Variants in GUCY1A1 observed in about 807,000 individuals in gnomAD.
GUCY1A1 encodes the protein guanylate cyclase 1 soluble subunit alpha 1.
Under a neutral mutation model 64.5 loss-of-function variants are expected in GUCY1A1, and 48 were observed. That is an observed-to-expected ratio of 0.74 (90% CI 0.59 to 0.95). The LOEUF (loss-of-function observed/expected upper bound fraction) is 0.95. Among genes scored for constraint, GUCY1A1 ranks in the 40% least tolerant of loss-of-function variants. The pLI is 0.00. For synonymous variants in GUCY1A1, 308 were observed against 303.4 expected (o/e 1.02, Z -0.16); for missense variants, 804 against 825.3 (o/e 0.97, Z 0.32).
At chr4:155,680,460 A>ATG (rs59517530) in intron 2 of GUCY1A1, among the ~76,000 whole-genome samples, 49,424 of 149,476 alleles carry the variant, frequency 0.33, 8,525 homozygotes, top group East Asian at 0.63. Flanking sequence ...TTTTAAGTAT[A>ATG]TGTGTGTGTG....
At chr4:155,684,424 A>G (rs1022969217) in intron 2 of GUCY1A1, among the ~76,000 whole-genome samples, 12 of 152,222 alleles carry the variant, frequency 7.9e-5, no homozygotes, top group African/African-American at 2.9e-4. Flanking sequence ...CAGCATAAGC[A>G]TCAAGGATCT....
intron 4 of GUCY1A1, among the ~76,000 whole-genome samples, chr4:155,705,583 C>G (rs1029142188): frequency 1.3e-5 from 2 of 151,646 alleles, no homozygotes; most frequent in Middle Eastern, 3.2e-3. Context: ...TTTTTGATTC[C>G]CTGAAATTTC....
intron 5 of GUCY1A1, among the ~76,000 whole-genome samples, chr4:155,710,294 T>A (rs1732386250): frequency 6.6e-6 from 1 of 152,218 alleles, no homozygotes; most frequent in Non-Finnish European, 1.5e-5. Flanking sequence ...TAAAAAGTTG[T>A]GTATTATACT....
chr4:155,676,339 A>G (rs1216661036), intron 2 of GUCY1A1, among the ~76,000 whole-genome samples: 4 of 138,334 alleles, frequency 2.9e-5, no homozygotes, highest in Non-Finnish European at 4.6e-5. Context: ...GTTGCCTATT[A>G]GTTTTCTTCA....
At chr4:155,716,598 G>C (rs1399600895) in intron 7 of GUCY1A1, among the ~76,000 whole-genome samples, 1 of 152,010 alleles carries the variant, frequency 6.6e-6, no homozygotes, top group Non-Finnish European at 1.5e-5. Context: ...ATTGTGATTA[G>C]TATCCATTAG....
intron 2 of GUCY1A1, among the ~76,000 whole-genome samples, chr4:155,684,105 G>T (rs1340995019): frequency 6.6e-6 from 1 of 152,064 alleles, no homozygotes; most frequent in East Asian, 1.9e-4. Flanking sequence ...TCTTTATATT[G>T]ACTTTTATGT....
chr4:155,672,552 T>A (rs1235154061), intron 2 of GUCY1A1, among the ~76,000 whole-genome samples: 1 of 152,216 alleles, frequency 6.6e-6, no homozygotes, highest in Non-Finnish European at 1.5e-5. Context: ...AGATGTCAAG[T>A]AACTGCTATT....
At chr4:155,716,807 C>A (rs529725079) in intron 7 of GUCY1A1, among the ~76,000 whole-genome samples, 2 of 151,854 alleles carry the variant, frequency 1.3e-5, no homozygotes, top group African/African-American at 4.8e-5. Flanking sequence ...CATCTTTAAA[C>A]AATTTATTAT....
rs765914878 is a variant in GUCY1A1, at chr4:155,710,739, T to C, written c.574T>C (p.Cys192Arg). ...CAGGCTTGAGGACGCCTCCATTCTA[T>C]GCCTGGATAAGGAGGATGATTTTCT... ...RGRLEDASIL[C>R]LDKEDDFLHV... Residue 192 changes from cysteine to arginine, a missense_variant, in exon 6 of 10, where the codon TGC becomes CGC. Transcript: ENST00000506455. 9.6e-5 allele frequency: 155 copies of C among 1,613,992 alleles called. No homozygotes were observed. The highest frequency in any genetic ancestry group is 1.3e-4 in the Non-Finnish European group (148 of 1,179,986).
Position 155,713,085 on chromosome 4 carries a change from C to T in GUCY1A1, c.1087-13C>T, listed in dbSNP as rs1392759176. Reference sequence around the variant, plus strand: ...CTTGAATAAACCACAATTGGTTATCCTTTCCTTCATAGGTTATGGACCTCA... The same window carrying T: ...CTTGAATAAACCACAATTGGTTATCTTTTCCTTCATAGGTTATGGACCTCA... On this transcript the variant is annotated splice_polypyrimidine_tract_variant and intron_variant, in intron 6 of 9. Transcript: ENST00000506455. 6.3e-7 allele frequency: 1 copy of T among 1,587,290 alleles called. No homozygotes were observed. The highest frequency in any genetic ancestry group is 8.6e-7 in the Non-Finnish European group (1 of 1,165,994).
Position 155,730,334 on chromosome 4 carries a change from T to G in GUCY1A1, c.*103T>G. 3.1e-6 allele frequency: 2 copies of G among 652,800 alleles called. No individual in the cohort carries two copies. The highest frequency in any genetic ancestry group is 5.3e-6 in the Non-Finnish European group (2 of 378,958). The allele number at this position is 652,800 out of a possible 1,614,324, so 40.4% of individuals were successfully genotyped here. On this transcript the variant is annotated 3_prime_UTR_variant, in exon 10 of 10. Transcript: ENST00000506455. ...ATTGTAGATGGCTAACAAGCAGTAT[T>G]AAAATTTCAGGAGCCAAGTCACAAT...
In GUCY1A1 at chr4:155,713,685, T is replaced by C. The variant is rs1340423781; in HGVS notation, c.1572+102T>C. 3 of 1,267,054 alleles carry C rather than the reference T, an allele frequency of 2.4e-6. No individual in the cohort carries two copies. In the African/African-American group the frequency reaches 4.4e-5, roughly 19 times the overall value. 78.5% of individuals were successfully genotyped at this position (1,267,054 alleles called of 1,614,324 possible). On this transcript the variant is annotated intron_variant, in intron 7 of 9. Transcript: ENST00000506455. ...TATAATGCAACTGAAAGGCCACCTC[T>C]GTAGGGTCTTGCAAGCCCAGTCCTG...
rs139449524 is a variant in GUCY1A1, at chr4:155,713,270, G to A, written c.1259G>A (p.Arg420Gln). The A allele has an allele frequency of 1.6e-5, 26 of 1,614,032 alleles. No individual in the cohort carries two copies. Among genetic ancestry groups the A allele is most frequent in the East Asian group, 1.1e-4 (5 of 44,854 alleles). ...GTGGTCTTAATAGGGGAACAAGCCC[G>A]AGCTCAAGATGGCCTGAAGAAGAGG... ...RDVVLIGEQA[R>Q]AQDGLKKRLG... Residue 420 changes from arginine (R) to glutamine (Q), a missense_variant, in exon 7 of 10, where the codon CGA becomes CAA. By Grantham distance (43) the Arg-to-Gln change is conservative. Coordinates refer to ENST00000506455, the MANE Select transcript of GUCY1A1 (RefSeq NM_001130682.3).
intron 2 of GUCY1A1, among the ~76,000 whole-genome samples, chr4:155,676,587 G>C (rs1734978293): frequency 6.6e-6 from 1 of 151,506 alleles, no homozygotes; most frequent in Non-Finnish European, 1.5e-5. Flanking sequence ...TAATTGGCCA[G>C]TGATTGTAAG....
chr4:155,706,854 C>T (rs1403865817), intron 4 of GUCY1A1, among the ~76,000 whole-genome samples: 1 of 152,182 alleles, frequency 6.6e-6, no homozygotes, highest in Non-Finnish European at 1.5e-5. Context: ...GAAATCATCA[C>T]AAACAATTAG....
intron 2 of GUCY1A1, among the ~76,000 whole-genome samples, chr4:155,682,594 AC>A (rs1210521391): frequency 6.6e-6 from 1 of 151,556 alleles, no homozygotes; most frequent in African/African-American, 2.4e-5. Flanking sequence ...ATCGCTTGAA[AC>A]CGGGAGGTGG....
At chr4:155,712,900 G>A (rs959393472) in intron 6 of GUCY1A1, among the ~76,000 whole-genome samples, 198 bp from the exon 7 acceptor site, 1 of 152,192 alleles carries the variant, frequency 6.6e-6, no homozygotes, top group African/African-American at 2.4e-5. Context: ...TCTGTGTAGA[G>A]TATACTCTAA....
chr4:155,713,690 G>T (rs1732885225), intron 7 of GUCY1A1, 107 bp downstream of exon 7: 3 of 1,212,242 alleles, frequency 2.5e-6, no homozygotes, highest in Non-Finnish European at 3.5e-6. Flanking sequence ...ACCTCTGTAG[G>T]GTCTTGCAAG....
chr4:155,675,271 C>T lies in GUCY1A1; in HGVS notation c.-113+7852C>T, dbSNP rs116694688. Reference sequence around the variant, plus strand: ...ATAAGTGACAAGGAGTTTCAGTATTCCATAGTATAACATAAACTTTTAAAT... The same window carrying T: ...ATAAGTGACAAGGAGTTTCAGTATTTCATAGTATAACATAAACTTTTAAAT... On this transcript the variant is annotated intron_variant, in intron 2 of 9. Transcript: ENST00000506455. 1.6e-3 allele frequency among the ~76,000 whole-genome samples: 236 copies of T among 151,508 alleles called. 2 individuals carry two copies. The highest frequency in any genetic ancestry group is 2.9e-3 in the Non-Finnish European group (197 of 67,996).
Sources: gnomAD v4.1 joint callset for allele counts (sites outside exome capture counted in the v4.1 genomes callset) on GRCh38, gnomAD v4.1.1 for gene constraint, MANE v1.5 for transcripts, NCBI Gene and HGNC (gene_info 2026-07-23, HGNC 2026-07-21) for gene names.